VCAN: variants seen among roughly 807,000 people sequenced by gnomAD.
VCAN encodes the protein versican core protein.
Under a neutral mutation model 245.5 loss-of-function variants are expected in VCAN, and 44 were observed. The ratio of observed to expected loss-of-function variants is 0.18; its 90% CI spans 0.14 to 0.23. VCAN has a LOEUF of 0.23. VCAN is among the 10% of genes least tolerant of loss of function. The pLI, the probability that VCAN is intolerant of heterozygous loss-of-function variation, is 1.00. For missense variants in VCAN, 3,793 were observed against 4,057.9 expected (o/e 0.93, Z 1.77); for synonymous variants, 1,413 against 1,437.0 (o/e 0.98, Z 0.38).
In VCAN at chr5:83,471,796, G is replaced by A; in HGVS notation, c.-234G>A. 2.5e-6 allele frequency: 1 copy of A among 398,842 alleles called. No homozygotes were observed. The highest frequency in any genetic ancestry group is 4.4e-6 in the Non-Finnish European group (1 of 226,256). 24.7% of individuals were successfully genotyped at this position (398,842 alleles called of 1,614,324 possible). The stretch of plus-strand genomic sequence containing the variant: ...CGAGCCTTTCTGGGGAAGAACTCCA[G>A]GCGTGCGGACGCAACAGCCGAGAAC... On this transcript the variant is annotated 5_prime_UTR_variant, in exon 1 of 15. Transcript: ENST00000265077.
At chr5:83,566,090 G>A (rs1409379828) in intron 12 of VCAN, among the ~76,000 whole-genome samples, 1 of 151,386 alleles carries the variant, frequency 6.6e-6, no homozygotes, top group Non-Finnish European at 1.5e-5. Context: ...AGCCTTCCGA[G>A]GAATTACAGG....
chr5:83,506,872 G>A (rs1230646641), intron 5 of VCAN, among the ~76,000 whole-genome samples: 1 of 152,176 alleles, frequency 6.6e-6, no homozygotes, highest in Non-Finnish European at 1.5e-5. Flanking sequence ...AAATGAGGAA[G>A]AAGCAAAAGC....
chr5:83,553,928 C>T (rs1747566568), intron 11 of VCAN, among the ~76,000 whole-genome samples: 1 of 151,990 alleles, frequency 6.6e-6, no homozygotes, highest in Admixed American at 6.6e-5. Context: ...TATTTTTGTC[C>T]TGCTAATTAA....
intron 3 of VCAN, among the ~76,000 whole-genome samples, chr5:83,491,864 A>C (rs1230241455): frequency 6.6e-6 from 1 of 152,214 alleles, no homozygotes; most frequent in Admixed American, 6.5e-5. Flanking sequence ...CAAGAAGACT[A>C]TTTGAAGCTT....
chr5:83,489,879 G>C lies in VCAN; in HGVS notation c.71-219G>C, dbSNP rs576069544. Among the ~76,000 whole-genome samples, 18 of 151,132 alleles carry C rather than the reference G, an allele frequency of 1.2e-4. 1 individual carries two copies. The South Asian group carries it at 3.8e-3, about 31-fold the overall frequency. On this transcript the variant is annotated intron_variant, in intron 2 of 14. Coordinates refer to ENST00000265077, the MANE Select transcript of VCAN (RefSeq NM_004385.5). Reference sequence around the variant, plus strand: ...GTTAAAAAATTTTAAAATGAATGATGCCACATTTCTATATAAAGAAATGAG... The same window carrying C: ...GTTAAAAAATTTTAAAATGAATGATCCCACATTTCTATATAAAGAAATGAG...
At chr5:83,546,676 G>A (rs562682724) in intron 9 of VCAN, among the ~76,000 whole-genome samples, 4 of 152,058 alleles carry the variant, frequency 2.6e-5, no homozygotes, top group South Asian at 2.1e-4. Context: ...CCAGAAGGTC[G>A]AGGCTGCAGT....
intron 10 of VCAN, among the ~76,000 whole-genome samples, chr5:83,549,961 C>T (rs1027207047): frequency 6.6e-6 from 1 of 152,218 alleles, no homozygotes; most frequent in Non-Finnish European, 1.5e-5. Flanking sequence ...GTTCCTTCAG[C>T]TGACGTTTTC....
intron 12 of VCAN, among the ~76,000 whole-genome samples, chr5:83,562,787 T>G (rs1747916371): frequency 1.3e-5 from 2 of 152,146 alleles, no homozygotes; most frequent in South Asian, 4.1e-4. Context: ...CCATTCATTC[T>G]ATGGATTAAA....
At chr5:83,479,989 G>A (rs1416394692) in intron 1 of VCAN, among the ~76,000 whole-genome samples, 7 of 152,150 alleles carry the variant, frequency 4.6e-5, no homozygotes, top group Admixed American at 4.6e-4. Context: ...ACAGACTTAA[G>A]GGGAGAGACT....
chr5:83,501,578 T>C (rs371803015), intron 5 of VCAN, among the ~76,000 whole-genome samples: 5 of 152,204 alleles, frequency 3.3e-5, no homozygotes, highest in African/African-American at 9.7e-5. Flanking sequence ...CTTGGCACCC[T>C]GTTGAAAATC....
intron 10 of VCAN, among the ~76,000 whole-genome samples, chr5:83,550,367 G>A (rs139162187): frequency 3.5e-4 from 53 of 152,154 alleles, no homozygotes; most frequent in African/African-American, 1.3e-3. Flanking sequence ...ACCTATAGGA[G>A]TTTTAAAGCA....
At chr5:83,490,049 A>G (rs1468412821) in intron 2 of VCAN, 49 bp from the exon 3 acceptor site, 2 of 1,608,610 alleles carry the variant, frequency 1.2e-6, no homozygotes, top group Admixed American at 1.7e-5. Context: ...GAATAGATTA[A>G]GTTTGGGTTT....
intron 6 of VCAN, among the ~76,000 whole-genome samples, chr5:83,519,096 T>C (rs914178560): frequency 6.6e-6 from 1 of 152,236 alleles, no homozygotes; most frequent in African/African-American, 2.4e-5. Context: ...GTAACAGTCA[T>C]GCATACTTTT....
At chr5:83,550,366 A>C (rs1409795261) in intron 10 of VCAN, among the ~76,000 whole-genome samples, 1 of 152,190 alleles carries the variant, frequency 6.6e-6, no homozygotes, top group Non-Finnish European at 1.5e-5. Context: ...AACCTATAGG[A>C]GTTTTAAAGC....
rs200907179 is a variant in VCAN at position 83,520,806 on chromosome 5, G to T, written c.2500G>T (p.Val834Leu). The change falls in exon 7 of 15, where the codon GTG (valine) becomes TTG (leucine). Residue 834 changes from valine to leucine, a missense_variant. Coordinates refer to ENST00000265077, the MANE Select transcript of VCAN (RefSeq NM_004385.5). ...ATTGCCCCCTGCCTTACTCACAACT[G>T]TGGGGATGAATGGAAAGGATAAAGA... Reference protein sequence around the residue: ...SKLPPALLTTVGMNGKDKDIP... With the variant: ...SKLPPALLTTLGMNGKDKDIP... 6.2e-7 allele frequency: 1 copy of T among 1,614,088 alleles called. No homozygotes were observed. Among genetic ancestry groups the T allele is most frequent in the Non-Finnish European group, 8.5e-7 (1 of 1,179,982 alleles).
Position 83,521,870 on chromosome 5 carries a change from C to G in VCAN, c.3564C>G (p.Pro1188=), listed in dbSNP as rs898324552. ...IDLGSGLFEK[P]KATELIEFST... ...TAGGCTCAGGATTATTTGAAAAGCC[C>G]AAAGCCACAGAACTCATAGAATTTT... The change falls in exon 7 of 15, where the codon CCC becomes CCG. Residue 1188 remains proline, a synonymous_variant. Coordinates refer to ENST00000265077, the MANE Select transcript of VCAN (RefSeq NM_004385.5). The G allele has an allele frequency of 6.2e-7, 1 of 1,613,978 alleles. No homozygotes were observed. Among genetic ancestry groups the G allele is most frequent in the Non-Finnish European group, 8.5e-7 (1 of 1,180,032 alleles).
chr5:83,541,939 C>A lies in VCAN; in HGVS notation c.8936C>A (p.Ser2979Tyr), dbSNP rs115989408. Residue 2979 changes from serine to tyrosine, a missense_variant, in exon 8 of 15, where the codon TCT becomes TAT. Ser to Tyr is a moderately radical substitution (Grantham distance 144). This residue lies in a region of VCAN where 3,182 missense variants were observed against 3,250.3 expected (regional missense o/e 0.98). Transcript: ENST00000265077. ...EGATQWPHST[S>Y]ASATYGVEAG... The stretch of plus-strand genomic sequence containing the variant: ...GCTACACAGTGGCCACACTCTACTT[C>A]TGCTTCTGCCACCTATGGGGTCGAG... 2 of 1,614,116 alleles carry A rather than the reference C, an allele frequency of 1.2e-6. No homozygotes were observed. Among genetic ancestry groups the A allele is most frequent in the African/African-American group, 1.3e-5 (1 of 75,060 alleles).
At chr5:83,484,281 A>G (rs540655575) in intron 2 of VCAN, among the ~76,000 whole-genome samples, 1 of 152,256 alleles carries the variant, frequency 6.6e-6, no homozygotes, top group African/African-American at 2.4e-5. Flanking sequence ...TCCTTTTGCT[A>G]AAGTTTAAGT....
In VCAN at chr5:83,540,431, T is replaced by C. The variant is rs1443224398; in HGVS notation, c.7428T>C (p.Ala2476=). The change falls in exon 8 of 15, where the codon GCT becomes GCC. Residue 2476 remains alanine (A), a synonymous_variant. Coordinates refer to ENST00000265077, the MANE Select transcript of VCAN (RefSeq NM_004385.5). ...ATCCTGAGGTGCCAAGCGCTAAAGC[T>C]GTTACTGCTGATGGATTCCCAACAG... ...EKHPEVPSAK[A]VTADGFPTVS... is the part of the protein sequence containing the mutation. 1.2e-6 allele frequency: 2 copies of C among 1,614,028 alleles called. No individual in the cohort carries two copies. Among genetic ancestry groups the C allele is most frequent in the Non-Finnish European group, 1.7e-6 (2 of 1,179,964 alleles).
Sources: gnomAD v4.1 joint callset for allele counts (sites outside exome capture counted in the v4.1 genomes callset) on GRCh38, gnomAD v4.1.1 for gene constraint, gnomAD v4.1.1 regional missense constraint, MANE v1.5 for transcripts, NCBI Gene and HGNC (gene_info 2026-07-23, HGNC 2026-07-21) for gene names.